Variants in MYO16 observed in about 807,000 individuals in gnomAD.
MYO16 encodes the protein unconventional myosin-XVI.
In MYO16, 94 loss-of-function variants were observed where a neutral mutation model predicts 205.3. That is an observed-to-expected ratio of 0.46 (90% confidence interval 0.39 to 0.54). The LOEUF (loss-of-function observed/expected upper bound fraction) is 0.54, where lower values mean the gene tolerates loss of function less well. Among genes scored for constraint, MYO16 ranks in the 20% least tolerant of loss-of-function variants. The pLI is 0.00. For synonymous variants in MYO16, 988 were observed against 954.0 expected (o/e 1.04, Z -0.66); for missense variants, 2,315 against 2,387.5 (o/e 0.97, Z 0.63).
intron 33 of MYO16, among the ~76,000 whole-genome samples, chr13:109,169,732 A>C (rs1365155812): frequency 1.3e-5 from 2 of 152,260 alleles, no homozygotes; most frequent in Non-Finnish European, 2.9e-5. Context: ...TCCTACAAGG[A>C]AAATTCCAGA....
chr13:108,807,698 T>C (rs1887156894), intron 7 of MYO16, among the ~76,000 whole-genome samples: 1 of 152,190 alleles, frequency 6.6e-6, no homozygotes, highest in Non-Finnish European at 1.5e-5. Flanking sequence ...AGCCGTCCAT[T>C]GTACTGTCTC....
At chr13:108,626,738 A>AG, upstream of MYO16, among the ~76,000 whole-genome samples, 1 of 151,820 alleles carries the variant, frequency 6.6e-6, no homozygotes, top group Non-Finnish European at 1.5e-5. Context: ...CGGGAGGCAG[A>AG]GGGTTGCAGT....
the MYO16 span, among the ~76,000 whole-genome samples, chr13:108,531,169 G>A: frequency 6.6e-6 from 1 of 152,204 alleles, no homozygotes; most frequent in African/African-American, 2.4e-5. Flanking sequence ...ATAGTTTAAG[G>A]TGAGGTTGGC....
intron 21 of MYO16, among the ~76,000 whole-genome samples, chr13:109,000,694 G>T (rs560387919): frequency 2.0e-5 from 3 of 152,122 alleles, no homozygotes; most frequent in South Asian, 2.1e-4. Context: ...TTAACCAGAG[G>T]TTATGTTTCT....
At chr13:109,147,175 G>GAA (rs146480247) in intron 32 of MYO16, among the ~76,000 whole-genome samples, 2 of 125,804 alleles carry the variant, frequency 1.6e-5, no homozygotes, top group Admixed American at 8.0e-5. Context: ...TTCTACTACA[G>GAA]AAAAAAAAAA....
intron 7 of MYO16, among the ~76,000 whole-genome samples, chr13:108,815,252 C>A (rs1431999560): frequency 1.3e-5 from 2 of 152,114 alleles, no homozygotes; most frequent in Non-Finnish European, 2.9e-5. Flanking sequence ...ATAGTGCCCC[C>A]AACGATGTCC....
At chr13:108,754,954 A>G (rs1298022813) in intron 4 of MYO16, among the ~76,000 whole-genome samples, 4 of 151,428 alleles carry the variant, frequency 2.6e-5, no homozygotes, top group African/African-American at 9.8e-5. Context: ...AGTATGATGA[A>G]TATATAGAGA....
intron 28 of MYO16, among the ~76,000 whole-genome samples, chr13:109,105,519 A>G (rs564731846): frequency 1.5e-3 from 224 of 152,360 alleles, no homozygotes; most frequent in African/African-American, 5.2e-3. Context: ...TTTTGAAATG[A>G]AATAAGAATC....
At position 108,807,331 on chromosome 13, in the gene MYO16, T is replaced by C. The variant is rs1887146313; in HGVS notation, c.867+527T>C. Among the ~76,000 whole-genome samples, 7 of 152,250 alleles carry C rather than the reference T, an allele frequency of 4.6e-5. 1 individual carries two copies. The South Asian group carries it at 1.5e-3, about 32-fold the overall frequency. On this transcript the variant is annotated intron_variant, in intron 7 of 34. Transcript: ENST00000457511. ...TAATCTATCATAAATTTCAGTAGTG[T>C]AACTATCAAAAGAATGGAAAGAGTT...
At chr13:108,593,335 C>T (rs1878453904), upstream of MYO16, among the ~76,000 whole-genome samples, 1 of 152,136 alleles carries the variant, frequency 6.6e-6, no homozygotes, top group South Asian at 2.1e-4. Context: ...ACAAGGCAGG[C>T]TGGAGTTGGG....
chr13:108,684,434 C>A (rs900472256), intron 2 of MYO16, among the ~76,000 whole-genome samples: 8 of 152,288 alleles, frequency 5.3e-5, no homozygotes, highest in Admixed American at 1.3e-4. Context: ...TGTGATAGAA[C>A]AAGATATATA....
Position 108,695,962 on chromosome 13 carries a change from G to A in MYO16, c.293-16699G>A, listed in dbSNP as rs188184344. Among the ~76,000 whole-genome samples, 281 of 152,286 alleles carry A rather than the reference G, an allele frequency of 1.8e-3. 5 individuals carry two copies. Among genetic ancestry groups the A allele is most frequent in the Admixed American group, 0.017 (265 of 15,294 alleles). On this transcript the variant is annotated intron_variant, in intron 2 of 34. Transcript: ENST00000457511. ...GATGCAGAACTTCTAAAAATCAGAA[G>A]AGAAACCACTGCTAAAATGTATCAC...
At chr13:109,173,308 A>G (rs116006463) in intron 33 of MYO16, among the ~76,000 whole-genome samples, 1,972 of 152,332 alleles carry the variant, frequency 0.013, 41 homozygotes, top group African/African-American at 0.044. Flanking sequence ...CTGCAAAATA[A>G]GGCAGTCAGC....
At chr13:109,197,802 G>T (rs1200332154) in intron 34 of MYO16, among the ~76,000 whole-genome samples, 2 of 152,188 alleles carry the variant, frequency 1.3e-5, no homozygotes, top group East Asian at 3.9e-4. Flanking sequence ...AAGGCAAATT[G>T]ACCACTTGAG....
At chr13:108,890,007 CCG>C (rs1399045887) in intron 14 of MYO16, among the ~76,000 whole-genome samples, 2 of 152,122 alleles carry the variant, frequency 1.3e-5, no homozygotes, top group African/African-American at 4.8e-5. Flanking sequence ...TCACCATTCA[CCG>C]CAGCCTCAAC....
chr13:109,138,897 A>G (rs903880629), intron 31 of MYO16, among the ~76,000 whole-genome samples: 3 of 152,174 alleles, frequency 2.0e-5, no homozygotes, highest in African/African-American at 7.2e-5. Context: ...AGTTCACTGC[A>G]TCCTCTGCCT....
chr13:108,730,342 G>T (rs1884481592), intron 4 of MYO16, among the ~76,000 whole-genome samples: 1 of 152,186 alleles, frequency 6.6e-6, no homozygotes, highest in Non-Finnish European at 1.5e-5. Context: ...CAGCCATGCA[G>T]AAGTGTGAGT....
chr13:109,001,760 A>G (rs1316471870), intron 21 of MYO16, among the ~76,000 whole-genome samples: 1 of 152,108 alleles, frequency 6.6e-6, no homozygotes, highest in Non-Finnish European at 1.5e-5. Context: ...TCAAGTCCCA[A>G]AGAAGTCCTG....
intron 13 of MYO16, among the ~76,000 whole-genome samples, chr13:108,885,871 A>C (rs1320396184): frequency 6.6e-6 from 1 of 152,150 alleles, no homozygotes; most frequent in African/African-American, 2.4e-5. Flanking sequence ...AGCGGCCAGC[A>C]AGTTTTCTTA....
Sources: gnomAD v4.1 joint callset for allele counts (sites outside exome capture counted in the v4.1 genomes callset) on GRCh38, gnomAD v4.1.1 for gene constraint, MANE v1.5 for transcripts, NCBI Gene and HGNC (gene_info 2026-07-23, HGNC 2026-07-21) for gene names.